ZBTB39: variants seen among roughly 807,000 people sequenced by gnomAD.
ZBTB39 encodes zinc finger and BTB domain containing 39.
In ZBTB39, 25 loss-of-function variants were observed where a neutral mutation model predicts 39.4. That is an observed-to-expected ratio of 0.63 (90% CI 0.46 to 0.89). The LOEUF is 0.89. Ranked by LOEUF, ZBTB39 falls within the 40% of genes least tolerant of loss-of-function variation. ZBTB39 has a pLI of 0.00. For missense variants in ZBTB39, 891 were observed against 909.7 expected, an observed-to-expected ratio of 0.98 and a Z score of 0.26; for synonymous variants, 373 against 359.6, an observed-to-expected ratio of 1.04 and a Z score of -0.42.
At position 57,003,220 on chromosome 12, in the gene ZBTB39, A is replaced by C; in HGVS notation, c.1698T>G (p.Leu566=). 6.2e-7 allele frequency: 1 copy of C among 1,614,176 alleles called. No individual in the cohort carries two copies. The highest frequency in any genetic ancestry group is 8.5e-7 in the Non-Finnish European group (1 of 1,180,010). ...GCAGCCCAAAACCAGGCCGTGCATC[A>C]AGGCCACTGTTGCATTTGTGCTGGC... The part of the protein sequence containing the change: ...HVSQHKCNSG[L]DARPGFGLQH... Residue 566 remains leucine (L), a synonymous_variant, in exon 2 of 2, where the codon CTT becomes CTG. Coordinates refer to ENST00000300101, the MANE Select transcript of ZBTB39 (RefSeq NM_014830.3). This position sits in a 1 kb window ranked among gnomAD's most constrained non-coding sequence, Gnocchi z 4.8.
At position 57,002,880 on chromosome 12, in the gene ZBTB39, CAT is replaced by C; in HGVS notation, c.2036_2037del (p.His679ArgfsTer11). On this transcript the variant is annotated frameshift_variant, in exon 2 of 2. Transcript: ENST00000300101. LOFTEE classifies it high-confidence loss of function. ...YSSTLNLMSKHVGVHKGSLPP... is the reference protein window; with the variant it reads ...YSSTLNLMSKXVGVHKGSLPP... Reference sequence around the variant, plus strand: ...GGGAGGCTGCCTTTGTGCACACCAACATGTTTGCTCATGAGGTTAAGGGTGGA... The same window carrying C: ...GGGAGGCTGCCTTTGTGCACACCAACGTTTGCTCATGAGGTTAAGGGTGGA... 3 of 1,614,210 alleles carry C rather than the reference CAT, an allele frequency of 1.9e-6. No individual in the cohort carries two copies. The highest frequency in any genetic ancestry group is 2.5e-6 in the Non-Finnish European group (3 of 1,180,044).
rs747785289 is a variant in ZBTB39, at chr12:57,003,823, G to C, written c.1095C>G (p.Asp365Glu). The change falls in exon 2 of 2, where the codon GAC becomes GAG. Residue 365 changes from aspartate to glutamate, a missense_variant. Asp to Glu is a conservative substitution (Grantham distance 45, BLOSUM62 2). Coordinates refer to ENST00000300101, the MANE Select transcript of ZBTB39 (RefSeq NM_014830.3). This position sits in a 1 kb window ranked among gnomAD's most constrained non-coding sequence, Gnocchi z 4.8. ...NIQLIRQHARDHVDLLTGNCK... is the reference protein window; with the variant it reads ...NIQLIRQHAREHVDLLTGNCK... ...AGTTGCCCGTCAGCAGGTCCACATG[G>C]TCCCGAGCATGCTGCCGGATCAGTT... 3.1e-6 allele frequency: 5 copies of C among 1,614,078 alleles called. No homozygotes were observed. Among genetic ancestry groups the C allele is most frequent in the African/African-American group, 1.3e-5 (1 of 74,920 alleles).
chr12:56,998,908 T>A lies in ZBTB39; in HGVS notation c.*3871A>T, dbSNP rs576203904. 3 of 152,746 alleles carry A rather than the reference T, an allele frequency of 2.0e-5. No individual in the cohort carries two copies. In the East Asian group the frequency reaches 5.8e-4, roughly 29 times the overall value. The allele number at this position is 152,746 out of a possible 1,614,324, so 9.5% of individuals were successfully genotyped here. ...AACAATGGAATATAAAAGAATCAGATGTACAATGATTTTAGACATCTACTA... is the reference window on the plus strand; with the variant it reads ...AACAATGGAATATAAAAGAATCAGAAGTACAATGATTTTAGACATCTACTA... On this transcript the variant is annotated 3_prime_UTR_variant, in exon 2 of 2. Transcript: ENST00000300101.
Position 57,004,846 on chromosome 12 carries a change from C to T in ZBTB39, c.72G>A (p.Arg24=), listed in dbSNP as rs2136410972. 1 of 1,613,736 alleles carries T rather than the reference C, an allele frequency of 6.2e-7. No homozygotes were observed. Among genetic ancestry groups the T allele is most frequent in the Non-Finnish European group, 8.5e-7 (1 of 1,179,766 alleles). Residue 24 remains arginine, a synonymous_variant, in exon 2 of 2, where the codon CGG becomes CGA. Transcript: ENST00000300101. ...TGACGTCGCACATGGTCTCTGAGAG[C>T]CGGCACTTGTTGAGTTCCTTCAGCA... ...NNLLKELNKC[R]LSETMCDVTI... is the part of the protein sequence containing the mutation.
chr12:57,002,928 T>C lies in ZBTB39; in HGVS notation c.1990A>G (p.Thr664Ala), dbSNP rs1378477678. Residue 664 changes from threonine to alanine, a missense_variant, in exon 2 of 2, where the codon ACA becomes GCA. Coordinates refer to ENST00000300101, the MANE Select transcript of ZBTB39 (RefSeq NM_014830.3). ...THSGALMYRC[T>A]VCGHYSSTLN... ...GTGGAACTGTAGTGCCCACAGACTG[T>C]GCAGCGGTACATGAGGGCCCCCGAG... 3 of 1,614,222 alleles carry C rather than the reference T, an allele frequency of 1.9e-6. No homozygotes were observed. Among genetic ancestry groups the C allele is most frequent in the Non-Finnish European group, 2.5e-6 (3 of 1,180,040 alleles).
rs376561201 is a variant in ZBTB39 at position 57,003,820 on chromosome 12, A to G, written c.1098T>C (p.His366=). 4 of 1,614,060 alleles carry G rather than the reference A, an allele frequency of 2.5e-6. No homozygotes were observed. Among genetic ancestry groups the G allele is most frequent in the African/African-American group, 2.7e-5 (2 of 74,904 alleles). The change falls in exon 2 of 2, where the codon CAT becomes CAC. Residue 366 remains histidine, a synonymous_variant. Coordinates refer to ENST00000300101, the MANE Select transcript of ZBTB39 (RefSeq NM_014830.3). This position sits in a 1 kb window ranked among gnomAD's most constrained non-coding sequence, Gnocchi z 4.8. ...IQLIRQHARD[H]VDLLTGNCKV... ...TGCAGTTGCCCGTCAGCAGGTCCAC[A>G]TGGTCCCGAGCATGCTGCCGGATCA... is the stretch of plus-strand genomic sequence containing the variant.
In ZBTB39 at chr12:57,004,347, T is replaced by C. The variant is rs1191926926; in HGVS notation, c.571A>G (p.Ser191Gly). The change falls in exon 2 of 2, where the codon AGT (serine) becomes GGT (glycine). Residue 191 changes from serine (S) to glycine (G), a missense_variant. Physicochemically the swap from Ser to Gly is moderately conservative, Grantham distance 56. Transcript: ENST00000300101. ...SYKEEEKNVA[S>G]DANHSLHLPQ... is the part of the protein sequence containing the mutation. Reference sequence around the variant, plus strand: ...AGATGCAGGCTATGGTTAGCGTCACTGGCAACATTCTTCTCTTCCTCTTTA... The same window carrying C: ...AGATGCAGGCTATGGTTAGCGTCACCGGCAACATTCTTCTCTTCCTCTTTA... 6.2e-7 allele frequency: 1 copy of C among 1,614,116 alleles called. No homozygotes were observed. Among genetic ancestry groups the C allele is most frequent in the African/African-American group, 1.3e-5 (1 of 74,938 alleles).
Position 57,003,280 on chromosome 12 carries a change from G to A in ZBTB39, c.1638C>T (p.Ser546=), listed in dbSNP as rs1280540148. 2 of 1,614,164 alleles carry A rather than the reference G, an allele frequency of 1.2e-6. No homozygotes were observed. Among genetic ancestry groups the A allele is most frequent in the East Asian group, 4.5e-5 (2 of 44,890 alleles). The change falls in exon 2 of 2, where the codon AGC becomes AGT. Residue 546 remains serine, a synonymous_variant. Coordinates refer to ENST00000300101, the MANE Select transcript of ZBTB39 (RefSeq NM_014830.3). The surrounding 1 kb of genome is among the most constrained non-coding windows in gnomAD (Gnocchi z 4.8). The stretch of plus-strand genomic sequence containing the variant: ...AGCGATAGGCAGCCTCTGACTTGAA[G>A]CTCTGGCTGCACAAGCGGCAGTGGA... ...ALFHCRLCSQ[S]FKSEAAYRYH...
At position 57,004,610 on chromosome 12, in the gene ZBTB39, T is replaced by C; in HGVS notation, c.308A>G (p.Tyr103Cys). Residue 103 changes from tyrosine (Y) to cysteine (C), a missense_variant, in exon 2 of 2, where the codon TAC (tyrosine) becomes TGC (cysteine). By Grantham distance (194) the Tyr-to-Cys change is radical. Coordinates refer to ENST00000300101, the MANE Select transcript of ZBTB39 (RefSeq NM_014830.3). The part of the protein sequence containing the change: ...FTDLINVGVI[Y>C]EVAERLGMED... ...CATACCCAGACGCTCAGCTACCTCG[T>C]AGATGACCCCAACATTGATCAGGTC... The C allele has an allele frequency of 6.2e-7, 1 of 1,614,158 alleles. No homozygotes were observed. The highest frequency in any genetic ancestry group is 8.5e-7 in the Non-Finnish European group (1 of 1,180,026).
Position 57,001,001 on chromosome 12 carries a change from G to A in ZBTB39, c.*1778C>T, listed in dbSNP as rs1448206348. ...CAATCTACTCCATCACAGGAAGGAA[G>A]GGGGATGAAAGGCCTGGAATTTAAC... On this transcript the variant is annotated 3_prime_UTR_variant, in exon 2 of 2. Transcript: ENST00000300101. The A allele has an allele frequency of 6.6e-6, 1 of 152,320 alleles. No individual in the cohort carries two copies. Among genetic ancestry groups the A allele is most frequent in the South Asian group, 2.1e-4 (1 of 4,836 alleles). 9.4% of individuals were successfully genotyped at this position (152,320 alleles called of 1,614,324 possible). A position where few individuals can be genotyped will look rare whatever the true frequency, so the allele number is the denominator to read the frequency against.
In ZBTB39 at chr12:57,003,518, A is replaced by C. The variant is rs747261226; in HGVS notation, c.1400T>G (p.Val467Gly). 6.2e-7 allele frequency: 1 copy of C among 1,614,036 alleles called. No homozygotes were observed. The highest frequency in any genetic ancestry group is 1.6e-4 in the Middle Eastern group (1 of 6,062). The change falls in exon 2 of 2, where the codon GTC (valine) becomes GGC (glycine). Residue 467 changes from valine to glycine, a missense_variant. Physicochemically the swap from Val to Gly is moderately radical, Grantham distance 109 (BLOSUM62 -3). Coordinates refer to ENST00000300101, the MANE Select transcript of ZBTB39 (RefSeq NM_014830.3). This position sits in a 1 kb window ranked among gnomAD's most constrained non-coding sequence, Gnocchi z 4.8. ...TAGATGGTCAAGGATGTGGCCCCGG[A>C]CCACATGGAAATCTTTGGCCAATAC... is the stretch of plus-strand genomic sequence containing the variant. ...GKVLAKDFHV[V>G]RGHILDHLNL...
chr12:56,999,493 A>G lies in ZBTB39; in HGVS notation c.*3286T>C, dbSNP rs996483978. 4 of 152,206 alleles carry G rather than the reference A, an allele frequency of 2.6e-5. No individual in the cohort carries two copies. The highest frequency in any genetic ancestry group is 9.7e-5 in the African/African-American group (4 of 41,450). The allele number at this position is 152,206 out of a possible 1,614,324, so 9.4% of individuals were successfully genotyped here. On this transcript the variant is annotated 3_prime_UTR_variant, in exon 2 of 2. Coordinates refer to ENST00000300101, the MANE Select transcript of ZBTB39 (RefSeq NM_014830.3). Reference sequence around the variant, plus strand: ...TCAGAAAAGCAGAATATAAAAAAAAACTTTTACCCATCTCCTGGTTCTTAG... The same window carrying G: ...TCAGAAAAGCAGAATATAAAAAAAAGCTTTTACCCATCTCCTGGTTCTTAG...
In ZBTB39 at chr12:57,004,262, G is replaced by A. The variant is rs749482695; in HGVS notation, c.656C>T (p.Thr219Met). Residue 219 changes from threonine to methionine, a missense_variant, in exon 2 of 2, where the codon ACG becomes ATG. Physicochemically the swap from Thr to Met is moderately conservative, Grantham distance 81. Coordinates refer to ENST00000300101, the MANE Select transcript of ZBTB39 (RefSeq NM_014830.3). ...TEDHDTPAPF[T>M]SIPSMMTQPL... ...CTGGGTCATCATGCTAGGAATGGAC[G>A]TGAAGGGAGCAGGGGTGTCATGGTC... 1.5e-5 allele frequency: 24 copies of A among 1,614,114 alleles called. No homozygotes were observed. The highest frequency in any genetic ancestry group is 2.2e-5 in the East Asian group (1 of 44,900).
Position 57,002,742 on chromosome 12 carries a change from C to T in ZBTB39, c.*37G>A, listed in dbSNP as rs1317077482. 2.5e-6 allele frequency: 4 copies of T among 1,583,994 alleles called. No homozygotes were observed. The highest frequency in any genetic ancestry group is 3.4e-6 in the Non-Finnish European group (4 of 1,160,250). ...CTCTTAGATATCAGCATCCTGGCTG[C>T]TGCTTGGGAGCTCCCCGTGGCTCTG... On this transcript the variant is annotated 3_prime_UTR_variant, in exon 2 of 2. Coordinates refer to ENST00000300101, the MANE Select transcript of ZBTB39 (RefSeq NM_014830.3).
Position 56,999,820 on chromosome 12 carries a change from C to A in ZBTB39, c.*2959G>T, listed in dbSNP as rs892897807. The stretch of plus-strand genomic sequence containing the variant: ...ATTTGGTTTAATGCTCTATGACCAC[C>A]ACCTTGAAATTTTTAATAATTTATG... On this transcript the variant is annotated 3_prime_UTR_variant, in exon 2 of 2. Coordinates refer to ENST00000300101, the MANE Select transcript of ZBTB39 (RefSeq NM_014830.3). 4 of 152,076 alleles carry A rather than the reference C, an allele frequency of 2.6e-5. No homozygotes were observed. Among genetic ancestry groups the A allele is most frequent in the Non-Finnish European group, 5.9e-5 (4 of 68,022 alleles). 9.4% of individuals were successfully genotyped at this position (152,076 alleles called of 1,614,324 possible).
chr12:57,003,229 G>A lies in ZBTB39; in HGVS notation c.1689C>T (p.Asn563=), dbSNP rs1956220920. The part of the protein sequence containing the change: ...YRYHVSQHKC[N]SGLDARPGFG... ...AACCAGGCCGTGCATCAAGGCCACT[G>A]TTGCATTTGTGCTGGCTGACGTGGT... Residue 563 remains asparagine, a synonymous_variant, in exon 2 of 2, where the codon AAC becomes AAT. Transcript: ENST00000300101. The surrounding 1 kb of genome is among the most constrained non-coding windows in gnomAD (Gnocchi z 4.8). 1.9e-6 allele frequency: 3 copies of A among 1,614,228 alleles called. No homozygotes were observed. Among genetic ancestry groups the A allele is most frequent in the African/African-American group, 2.7e-5 (2 of 75,066 alleles).
At position 57,003,672 on chromosome 12, in the gene ZBTB39, T is replaced by C; in HGVS notation, c.1246A>G (p.Thr416Ala). The stretch of plus-strand genomic sequence containing the variant: ...AATATTCCATCCCGTCGGTGAAGGG[T>C]CAGCTGCCACTGGGTAAAGAACTTA... ...ETKFFTQWQL[T>A]LHRRDGIFEN... The change falls in exon 2 of 2, where the codon ACC becomes GCC. Residue 416 changes from threonine to alanine, a missense_variant. Transcript: ENST00000300101. The surrounding 1 kb of genome is among the most constrained non-coding windows in gnomAD (Gnocchi z 4.8). 6.2e-7 allele frequency: 1 copy of C among 1,614,044 alleles called. No homozygotes were observed. Among genetic ancestry groups the C allele is most frequent in the Middle Eastern group, 1.6e-4 (1 of 6,062 alleles).
At chr12:57,005,658 T>G (rs144803141) in intron 1 of ZBTB39, among the ~76,000 whole-genome samples, 2 of 152,370 alleles carry the variant, frequency 1.3e-5, no homozygotes, top group Non-Finnish European at 1.5e-5. Context: ...TAATATTACT[T>G]TAATATGTTG....
At position 56,999,040 on chromosome 12, in the gene ZBTB39, G is replaced by A. The variant is rs1002563611; in HGVS notation, c.*3739C>T. 4.6e-5 allele frequency: 7 copies of A among 152,592 alleles called. No individual in the cohort carries two copies. Among genetic ancestry groups the A allele is most frequent in the Admixed American group, 6.5e-5 (1 of 15,282 alleles). The allele number at this position is 152,592 out of a possible 1,614,324, so 9.5% of individuals were successfully genotyped here. A position where few individuals can be genotyped will look rare whatever the true frequency, so the allele number is the denominator to read the frequency against. On this transcript the variant is annotated 3_prime_UTR_variant, in exon 2 of 2. Transcript: ENST00000300101. ...ATTAATTTAATGGAAGGAGTTAGAC[G>A]TCAACAACTCTTCTCTGTTTCATAA...
Sources: gnomAD v4.1 joint callset for allele counts (sites outside exome capture counted in the v4.1 genomes callset) on GRCh38, gnomAD v4.1.1 for gene constraint, Gnocchi (gnomAD v3.1) non-coding constraint, MANE v1.5 for transcripts, NCBI Gene and HGNC (gene_info 2026-07-23, HGNC 2026-07-21) for gene names.